The following MICU1 variants were observed in gnomAD, a reference collection of about 807,000 sequenced individuals.
The protein encoded by MICU1 is calcium uptake protein 1, mitochondrial.
In MICU1, 45 loss-of-function variants were observed where a neutral mutation model predicts 56.8. The observed-to-expected ratio is 0.79, with a 90% CI of 0.62 to 1.02. The LOEUF is 1.02. MICU1 is among the 50% of genes least tolerant of loss of function. The probability of loss-of-function intolerance (pLI) is 0.00; values close to 1 mark genes in which losing one functional copy is unlikely to be tolerated. For missense variants in MICU1, 504 were observed against 587.1 expected, an observed-to-expected ratio of 0.86 and a Z score of 1.46; for synonymous variants, 186 against 195.1, an observed-to-expected ratio of 0.95 and a Z score of 0.39.
chr10:72,564,779 A>T (rs1840385888), intron 2 of MICU1, among the ~76,000 whole-genome samples: 1 of 151,980 alleles, frequency 6.6e-6, no homozygotes, highest in African/African-American at 2.4e-5. Flanking sequence ...TACACAGAAC[A>T]CTCTCGAGTA....
At chr10:72,546,287 C>G (rs527340578) in intron 4 of MICU1, among the ~76,000 whole-genome samples, 1 of 152,166 alleles carries the variant, frequency 6.6e-6, no homozygotes, top group Non-Finnish European at 1.5e-5. Context: ...ACTAAAGCTG[C>G]CTCCTTATAT....
rs531983231 is a variant in MICU1, at chr10:72,505,731, G to A, written c.652+2424C>T. ...AGGAACAGAAAACCAAATACCGCACGTTCTCATTTATAAGTGGGAGCTAAA... is the reference window on the plus strand; with the variant it reads ...AGGAACAGAAAACCAAATACCGCACATTCTCATTTATAAGTGGGAGCTAAA... On this transcript the variant is annotated intron_variant, in intron 6 of 11. Coordinates refer to ENST00000361114, the MANE Select transcript of MICU1 (RefSeq NM_001195518.2). Among the ~76,000 whole-genome samples, 201 of 152,204 alleles carry A rather than the reference G, an allele frequency of 1.3e-3. 2 individuals are homozygous for A. The highest frequency in any genetic ancestry group is 4.6e-3 in the African/African-American group (191 of 41,522).
chr10:72,374,808 C>CTATT (rs1862462018), intron 11 of MICU1, among the ~76,000 whole-genome samples: 1 of 77,206 alleles, frequency 1.3e-5, no homozygotes, highest in African/African-American at 5.2e-5. Context: ...CTACTATTAT[C>CTATT]TTTTTTTTTT....
rs755243003 is a variant in MICU1, at chr10:72,375,768, G to C, written c.1270+15C>G. ...TAGGCTGTTTCCCCTCCGGGCTCCAGAGGGCCCCACTCACCATCACAGTCA... is the reference window on the plus strand; with the variant it reads ...TAGGCTGTTTCCCCTCCGGGCTCCACAGGGCCCCACTCACCATCACAGTCA... On this transcript the variant is annotated intron_variant, in intron 11 of 11. Transcript: ENST00000361114. 1 of 1,608,790 alleles carries C rather than the reference G, an allele frequency of 6.2e-7. No individual in the cohort carries two copies. Among genetic ancestry groups the C allele is most frequent in the Non-Finnish European group, 8.5e-7 (1 of 1,177,716 alleles).
chr10:72,517,351 T>C (rs949679282), intron 5 of MICU1, among the ~76,000 whole-genome samples: 1 of 152,060 alleles, frequency 6.6e-6, no homozygotes, highest in Non-Finnish European at 1.5e-5. Context: ...AATTCACAAC[T>C]GCAAATACGT....
chr10:72,424,700 C>T (rs1412278305), intron 8 of MICU1, among the ~76,000 whole-genome samples: 1 of 152,152 alleles, frequency 6.6e-6, no homozygotes, highest in Non-Finnish European at 1.5e-5. Flanking sequence ...CATGCAGCTA[C>T]ATGTGACAGA....
chr10:72,552,064 T>C (rs1316028701), intron 3 of MICU1, among the ~76,000 whole-genome samples: 1 of 152,218 alleles, frequency 6.6e-6, no homozygotes, highest in Non-Finnish European at 1.5e-5. Context: ...AAAGTCAAAG[T>C]ACATTCAATG....
At chr10:72,383,715 C>G (rs1862796756) in intron 10 of MICU1, among the ~76,000 whole-genome samples, 3 of 152,206 alleles carry the variant, frequency 2.0e-5, no homozygotes. Flanking sequence ...GTCTGAATCT[C>G]TGATGGCTAA....
intron 10 of MICU1, among the ~76,000 whole-genome samples, chr10:72,394,776 G>C (rs1863190443): frequency 2.0e-5 from 3 of 152,196 alleles, no homozygotes; most frequent in Non-Finnish European, 4.4e-5. Flanking sequence ...CTCAAGACCA[G>C]CGTGGTCAAC....
At position 72,619,655 on chromosome 10, in the gene MICU1, G is replaced by C. The variant is rs138851227; in HGVS notation, c.-2+6355C>G. Among the ~76,000 whole-genome samples, 19 of 152,250 alleles carry C rather than the reference G, an allele frequency of 1.2e-4. 1 individual carries two copies. In the East Asian group the frequency reaches 3.7e-3, roughly 29 times the overall value. On this transcript the variant is annotated intron_variant, in intron 1 of 11. Coordinates refer to ENST00000361114, the MANE Select transcript of MICU1 (RefSeq NM_001195518.2). ...CAAAGTGAGAAGACTACTTTAAACA[G>C]ATAAATTATGAGAACCAACAAGGAA...
At chr10:72,576,250 C>T (rs1362378690) in intron 1 of MICU1, among the ~76,000 whole-genome samples, 2 of 84,282 alleles carry the variant, frequency 2.4e-5, no homozygotes, top group Non-Finnish European at 5.6e-5. Context: ...AAAAAAAAAG[C>T]TAGGAATGAT....
intron 4 of MICU1, among the ~76,000 whole-genome samples, chr10:72,547,622 A>G (rs1361830992): frequency 6.6e-6 from 1 of 152,038 alleles, no homozygotes; most frequent in Non-Finnish European, 1.5e-5. Context: ...ACATTCACAG[A>G]GTTAATACTT....
intron 3 of MICU1, among the ~76,000 whole-genome samples, chr10:72,559,445 T>C: frequency 6.6e-6 from 1 of 151,686 alleles, no homozygotes; most frequent in Middle Eastern, 3.2e-3. Context: ...TTTTATAAAA[T>C]ATAAAAACAT....
Position 72,547,533 on chromosome 10 carries a change from G to GTATATATATATA in MICU1, c.493+3634_493+3645dup, listed in dbSNP as rs5786084. Among the ~76,000 whole-genome samples the GTATATATATATA allele has an allele frequency of 2.7e-5, 4 of 146,188 alleles. 1 individual carries two copies. Among genetic ancestry groups the GTATATATATATA allele is most frequent in the Admixed American group, 2.1e-4 (3 of 14,600 alleles). Reference sequence around the variant, plus strand: ...ATGTTGAATGAATATATACACATATGTATATATATATATATATAAAGTCTA... The same window carrying GTATATATATATA: ...ATGTTGAATGAATATATACACATATGTATATATATATATATATATATATATATATAAAGTCTA... On this transcript the variant is annotated intron_variant, in intron 4 of 11. Coordinates refer to ENST00000361114, the MANE Select transcript of MICU1 (RefSeq NM_001195518.2).
intron 3 of MICU1, among the ~76,000 whole-genome samples, chr10:72,562,246 C>G (rs570746210): frequency 2.7e-5 from 4 of 150,620 alleles, no homozygotes; most frequent in African/African-American, 7.4e-5. Flanking sequence ...CTCCACCTCC[C>G]GGGTTCAAGC....
chr10:72,408,179 C>A lies in MICU1; in HGVS notation c.1072-142G>T, dbSNP rs930839872. On this transcript the variant is annotated intron_variant, in intron 9 of 11. Transcript: ENST00000361114. Reference sequence around the variant, plus strand: ...ACTGAATACATTAGTCAAGGAATATCAAATTCATAAACAGCAGGGGAACAA... The same window carrying A: ...ACTGAATACATTAGTCAAGGAATATAAAATTCATAAACAGCAGGGGAACAA... The A allele has an allele frequency of 1.4e-5, 8 of 576,322 alleles. No individual in the cohort carries two copies. In the African/African-American group the frequency reaches 1.5e-4, roughly 11 times the overall value. 35.7% of individuals were successfully genotyped at this position (576,322 alleles called of 1,614,324 possible).
intron 8 of MICU1, among the ~76,000 whole-genome samples, chr10:72,448,759 A>G (rs1865201786): frequency 6.6e-6 from 1 of 152,222 alleles, no homozygotes; most frequent in Non-Finnish European, 1.5e-5. Flanking sequence ...CATAAAGGAA[A>G]AAAAAAGAAA....
chr10:72,486,717 C>T (rs1290855322), intron 6 of MICU1, among the ~76,000 whole-genome samples: 6 of 152,180 alleles, frequency 3.9e-5, no homozygotes, highest in African/African-American at 1.4e-4. Flanking sequence ...GTGATCTGCC[C>T]GCCTTGGCCT....
chr10:72,434,005 T>A (rs1864629705), intron 8 of MICU1, among the ~76,000 whole-genome samples: 1 of 152,098 alleles, frequency 6.6e-6, no homozygotes, highest in Non-Finnish European at 1.5e-5. Flanking sequence ...TCTAATTTAA[T>A]CACATTCCCC....
Sources: allele counts gnomAD v4.1 joint callset (sites outside exome capture counted in the v4.1 genomes callset), GRCh38; gene constraint gnomAD v4.1.1; transcripts MANE v1.5; gene names NCBI Gene and HGNC (gene_info 2026-07-23, HGNC 2026-07-21).